The following EPHA7 variants were observed in gnomAD, a reference collection of about 807,000 sequenced individuals.
EPHA7 encodes the protein EPH receptor A7.
In EPHA7, 25 loss-of-function variants were observed where a neutral mutation model predicts 112.6. That is an observed-to-expected ratio of 0.22 (90% CI 0.16 to 0.31). The LOEUF is 0.31. Among genes scored for constraint, EPHA7 ranks in the 10% least tolerant of loss-of-function variants. The probability of loss-of-function intolerance (pLI) is 1.00; values close to 1 mark genes in which losing one functional copy is unlikely to be tolerated. For synonymous variants in EPHA7, 437 were observed against 406.5 expected, an observed-to-expected ratio of 1.07 and a Z score of -0.90; for missense variants, 962 against 1,212.6, an observed-to-expected ratio of 0.79 and a Z score of 3.07.
chr6:93,274,534 G>C (rs1011683038), intron 5 of EPHA7, among the ~76,000 whole-genome samples: 2 of 151,860 alleles, frequency 1.3e-5, no homozygotes, highest in Non-Finnish European at 2.9e-5. Context: ...TCATATCACA[G>C]TGCTGACAGT....
intron 3 of EPHA7, among the ~76,000 whole-genome samples, chr6:93,405,681 T>G (rs1778659731): frequency 6.6e-6 from 1 of 151,132 alleles, no homozygotes; most frequent in Admixed American, 6.6e-5. Context: ...GGAGAGATTG[T>G]CCTACTTTAT....
chr6:93,374,082 G>A (rs972084508), intron 3 of EPHA7, among the ~76,000 whole-genome samples: 5 of 152,014 alleles, frequency 3.3e-5, no homozygotes, highest in African/African-American at 4.8e-5. Flanking sequence ...TCGCACTAGA[G>A]GTATTTAACC....
At chr6:93,419,084 G>T (rs1779396111) in intron 1 of EPHA7, among the ~76,000 whole-genome samples, 161 bp downstream of exon 1, 1 of 152,156 alleles carries the variant, frequency 6.6e-6, no homozygotes, top group Admixed American at 6.5e-5. Flanking sequence ...GCGCTCGCTG[G>T]TCCGCCAGGA....
chr6:93,249,304 G>A (rs2450422), intron 14 of EPHA7, among the ~76,000 whole-genome samples: 98,356 of 151,918 alleles, frequency 0.65, 32,888 homozygotes, highest in South Asian at 0.83. Flanking sequence ...AACATTTTAA[G>A]TGCTAAGAAT....
At chr6:93,345,611 C>T (rs980220225) in intron 5 of EPHA7, among the ~76,000 whole-genome samples, 2 of 151,652 alleles carry the variant, frequency 1.3e-5, no homozygotes, top group Non-Finnish European at 3.0e-5. Context: ...CTTAATTGAT[C>T]CTTGTTCATT....
intron 14 of EPHA7, among the ~76,000 whole-genome samples, chr6:93,252,368 A>C (rs573746286): frequency 2.0e-5 from 3 of 152,080 alleles, no homozygotes; most frequent in Non-Finnish European, 2.9e-5. Flanking sequence ...TCACTTGATA[A>C]ATCCATCTAG....
At chr6:93,294,863 T>A (rs1436493664) in intron 5 of EPHA7, among the ~76,000 whole-genome samples, 2 of 152,096 alleles carry the variant, frequency 1.3e-5, no homozygotes, top group Non-Finnish European at 2.9e-5. Context: ...TGTATATATT[T>A]TACTGAATTT....
intron 5 of EPHA7, among the ~76,000 whole-genome samples, chr6:93,274,061 T>A (rs1771355928): frequency 6.6e-6 from 1 of 152,000 alleles, no homozygotes; most frequent in African/African-American, 2.4e-5. Flanking sequence ...ACATACTGAG[T>A]TACCCAGGAG....
rs1462833873 is a variant in EPHA7 at position 93,359,874 on chromosome 6, G to GAGAGAGAGAT, written c.833-1464_833-1463insATCTCTCTCT. ...GATGATAGAGAGAGAGAGAGAGAGA[G>GAGAGAGAGAT]AGATAGATAGATAGATAGATAGATA... On this transcript the variant is annotated intron_variant, in intron 3 of 16. Transcript: ENST00000369303. Among the ~76,000 whole-genome samples, 533 of 127,890 alleles carry GAGAGAGAGAT rather than the reference G, an allele frequency of 4.2e-3. 5 individuals carry two copies. Among genetic ancestry groups the GAGAGAGAGAT allele is most frequent in the African/African-American group, 9.7e-3 (330 of 33,980 alleles). 83.9% of individuals were successfully genotyped at this position (127,890 alleles called of 152,430 possible).
chr6:93,280,920 T>C (rs1771704839), intron 5 of EPHA7, among the ~76,000 whole-genome samples: 1 of 152,114 alleles, frequency 6.6e-6, no homozygotes, highest in Admixed American at 6.5e-5. Flanking sequence ...ATTCAGGCCT[T>C]CGTATTTTTC....
chr6:93,336,893 T>TAA (rs35715060), intron 5 of EPHA7, among the ~76,000 whole-genome samples: 29,413 of 146,662 alleles, frequency 0.2, 3,495 homozygotes, highest in Non-Finnish European at 0.28. Flanking sequence ...ATTATTTTTG[T>TAA]AAAAAAAAAA....
chr6:93,395,001 G>A (rs150089425), intron 3 of EPHA7, among the ~76,000 whole-genome samples: 15 of 151,260 alleles, frequency 9.9e-5, no homozygotes, highest in African/African-American at 3.6e-4. Context: ...TCTTATTACT[G>A]GCATATTTTA....
chr6:93,288,087 C>T (rs116215740), intron 5 of EPHA7, among the ~76,000 whole-genome samples: 1,995 of 151,980 alleles, frequency 0.013, 45 homozygotes, highest in African/African-American at 0.045. Context: ...GTTATCTACC[C>T]GCAAGAAATG....
rs1416945328 is a variant in EPHA7, at chr6:93,410,492, A to G, written c.832+9T>C. ...GCAAAGTGGAGTTTTAATAGGACACATTACTTACGTTCACAAGTGTCTCCT... is the reference window on the plus strand; with the variant it reads ...GCAAAGTGGAGTTTTAATAGGACACGTTACTTACGTTCACAAGTGTCTCCT... On this transcript the variant is annotated intron_variant, in intron 3 of 16. Coordinates refer to ENST00000369303, the MANE Select transcript of EPHA7 (RefSeq NM_004440.4). The surrounding 1 kb of genome is among the most constrained non-coding windows in gnomAD (Gnocchi z 4.0). The G allele has an allele frequency of 6.8e-6, 11 of 1,606,350 alleles. No individual in the cohort carries two copies. Among genetic ancestry groups the G allele is most frequent in the Non-Finnish European group, 9.4e-6 (11 of 1,175,740 alleles).
intron 5 of EPHA7, among the ~76,000 whole-genome samples, chr6:93,326,381 G>A (rs557715629): frequency 6.6e-6 from 1 of 151,520 alleles, no homozygotes; most frequent in East Asian, 1.9e-4. Context: ...GATTTTAAAT[G>A]AATGCTCTAT....
At chr6:93,355,149 A>G (rs549437101) in intron 5 of EPHA7, among the ~76,000 whole-genome samples, 3 of 152,310 alleles carry the variant, frequency 2.0e-5, no homozygotes, top group Admixed American at 2.0e-4. Flanking sequence ...AGGTAAGTCC[A>G]AAGTAAAATA....
intron 5 of EPHA7, among the ~76,000 whole-genome samples, chr6:93,272,828 T>C (rs1771292537): frequency 6.6e-6 from 1 of 152,008 alleles, no homozygotes; most frequent in African/African-American, 2.4e-5. Flanking sequence ...TTTAATATGA[T>C]GCAAGAAAAA....
chr6:93,278,275 T>A (rs1170260969), intron 5 of EPHA7, among the ~76,000 whole-genome samples: 1 of 152,042 alleles, frequency 6.6e-6, no homozygotes, highest in African/African-American at 2.4e-5. Flanking sequence ...TCTGCTAAAG[T>A]ACTGACTAAA....
At chr6:93,277,553 G>C (rs1028497259) in intron 5 of EPHA7, among the ~76,000 whole-genome samples, 1 of 151,934 alleles carries the variant, frequency 6.6e-6, no homozygotes, top group African/African-American at 2.4e-5. Flanking sequence ...ATTCTTTTGT[G>C]ATAGACGTCT....
Sources: allele counts gnomAD v4.1 joint callset (sites outside exome capture counted in the v4.1 genomes callset), GRCh38; gene constraint gnomAD v4.1.1; non-coding constraint Gnocchi (gnomAD v3.1); transcripts MANE v1.5; gene names NCBI Gene and HGNC (gene_info 2026-07-23, HGNC 2026-07-21).